Variants in GAB2 observed in about 807,000 individuals in gnomAD.
GAB2 encodes GRB2-associated-binding protein 2.
A neutral mutation model predicts 65.5 loss-of-function variants in GAB2; 26 were observed. That is an observed-to-expected ratio of 0.40 (90% confidence interval 0.29 to 0.55). GAB2 has a LOEUF of 0.55. Among genes scored for constraint, GAB2 ranks in the 20% least tolerant of loss-of-function variants. The probability of loss-of-function intolerance (pLI) is 0.53; values close to 1 mark genes in which losing one functional copy is unlikely to be tolerated. For synonymous variants in GAB2, 321 were observed against 329.6 expected (o/e 0.97, Z 0.28); for missense variants, 884 against 875.8 (o/e 1.01, Z -0.12).
intron 1 of GAB2, among the ~76,000 whole-genome samples, chr11:78,289,813 CCTT>C (rs2134602617): frequency 8.8e-6 from 1 of 113,990 alleles, no homozygotes. Flanking sequence ...AAGAACAGGA[CCTT>C]TTTTTTTTTT....
At chr11:78,310,740 T>A (rs921013480) in intron 1 of GAB2, among the ~76,000 whole-genome samples, 1 of 152,156 alleles carries the variant, frequency 6.6e-6, no homozygotes, top group African/African-American at 2.4e-5. Context: ...CCAGCGCCAC[T>A]GTCCTTCAGT....
rs761329480 is a variant in GAB2 at position 78,225,193 on chromosome 11, C to T, written c.1217G>A (p.Cys406Tyr). 1.4e-5 allele frequency: 23 copies of T among 1,608,506 alleles called. No individual in the cohort carries two copies. The South Asian group carries it at 2.3e-4, about 16-fold the overall frequency. ...ACGCTGTGGGTACTCGTAGGTCTCA[C>T]AGGAAGAAGCTGACAGAGGAAGGAG... is the stretch of plus-strand genomic sequence containing the variant. ...DNSRLHRASS[C>Y]ETYEYPQRGG... The change falls in exon 5 of 10, where the codon TGT becomes TAT. Residue 406 changes from cysteine to tyrosine, a missense_variant. By Grantham distance (194) the Cys-to-Tyr change is radical (BLOSUM62 -2). Coordinates refer to ENST00000361507, the MANE Select transcript of GAB2 (RefSeq NM_080491.3).
chr11:78,222,722 A>G (rs890793816), intron 6 of GAB2, among the ~76,000 whole-genome samples: 1 of 152,026 alleles, frequency 6.6e-6, no homozygotes, highest in Non-Finnish European at 1.5e-5. Context: ...AGCTGGGACT[A>G]TAGGCGCCTG....
intron 1 of GAB2, among the ~76,000 whole-genome samples, chr11:78,300,706 T>G (rs575661129): frequency 1.1e-4 from 16 of 142,048 alleles, no homozygotes; most frequent in African/African-American, 3.1e-4. Context: ...TTTTTTTTTT[T>G]TTTTTTGAGA....
At chr11:78,358,212 G>C (rs568489284) in intron 1 of GAB2, among the ~76,000 whole-genome samples, 1 of 147,270 alleles carries the variant, frequency 6.8e-6, no homozygotes, top group East Asian at 2.0e-4. Context: ...ACCAAACACC[G>C]CATGTTCTCA....
intron 3 of GAB2, among the ~76,000 whole-genome samples, chr11:78,245,633 G>C (rs1865273525): frequency 6.6e-6 from 1 of 152,208 alleles, no homozygotes; most frequent in Admixed American, 6.5e-5. Flanking sequence ...AACCTCACTA[G>C]ACATTGTTTG....
chr11:78,266,887 C>T (rs754201378), intron 2 of GAB2, among the ~76,000 whole-genome samples: 3 of 152,176 alleles, frequency 2.0e-5, no homozygotes, highest in African/African-American at 4.8e-5. Context: ...GCACTGAATA[C>T]GTGAACACAG....
At chr11:78,251,152 A>G (rs576926468) in intron 2 of GAB2, among the ~76,000 whole-genome samples, 28 of 152,332 alleles carry the variant, frequency 1.8e-4, no homozygotes, top group African/African-American at 6.5e-4. Context: ...ATTACAGGAA[A>G]AAAAAAAGCT....
chr11:78,275,300 A>C (rs1324605933), intron 2 of GAB2, among the ~76,000 whole-genome samples: 1 of 152,192 alleles, frequency 6.6e-6, no homozygotes, highest in Non-Finnish European at 1.5e-5. Context: ...CTAGGCAGGG[A>C]AGAAAAAATA....
chr11:78,341,985 C>T (rs116860047), intron 1 of GAB2: 133 of 550,636 alleles, frequency 2.4e-4, no homozygotes, highest in Non-Finnish European at 3.0e-4. Context: ...GTGTTGTGTT[C>T]CCCTCCCTAT....
chr11:78,329,634 G>C (rs866796580), intron 1 of GAB2, among the ~76,000 whole-genome samples: 1 of 152,162 alleles, frequency 6.6e-6, no homozygotes, highest in African/African-American at 2.4e-5. Flanking sequence ...AGGGCAACCA[G>C]ACCATTTTAG....
intron 1 of GAB2, among the ~76,000 whole-genome samples, chr11:78,310,455 G>A (rs1305467033): frequency 4.7e-5 from 7 of 148,992 alleles, no homozygotes; most frequent in African/African-American, 1.7e-4. Flanking sequence ...GGAGCTTGCA[G>A]TGAGCCAAGA....
At chr11:78,261,731 A>C (rs919742610) in intron 2 of GAB2, among the ~76,000 whole-genome samples, 3 of 152,188 alleles carry the variant, frequency 2.0e-5, no homozygotes, top group African/African-American at 7.2e-5. Context: ...GCTGCAGGCC[A>C]GCCCCAAAGG....
chr11:78,262,235 AAGGAACATG>A (rs1224400781), intron 2 of GAB2, among the ~76,000 whole-genome samples: 5 of 152,214 alleles, frequency 3.3e-5, no homozygotes, highest in Non-Finnish European at 7.4e-5. Context: ...GCTACTGGGA[AAGGAACATG>A]CACGTTGGAG....
chr11:78,287,523 C>A (rs1477673100), intron 1 of GAB2, among the ~76,000 whole-genome samples: 2 of 152,194 alleles, frequency 1.3e-5, no homozygotes, highest in Non-Finnish European at 2.9e-5. Flanking sequence ...AGTAATCTTC[C>A]TGCCTTGGCC....
At chr11:78,324,757 A>C (rs1487848295) in intron 1 of GAB2, 1 of 152,250 alleles carries the variant, frequency 6.6e-6, no homozygotes, top group Admixed American at 6.5e-5. Context: ...GTCTGATGAC[A>C]ACCAAGTATT....
intron 1 of GAB2, among the ~76,000 whole-genome samples, chr11:78,402,400 T>C (rs1856984852): frequency 6.6e-6 from 1 of 152,168 alleles, no homozygotes; most frequent in Non-Finnish European, 1.5e-5. Flanking sequence ...AACTAAATTA[T>C]ACTAAATACA....
chr11:78,219,120 G>A lies in GAB2; in HGVS notation c.*152C>T. The stretch of plus-strand genomic sequence containing the variant: ...TCAGGCCCTCACCTCCCAGGGGAAG[G>A]GTTCAGGGTCCCTGATGTCAAGTGC... On this transcript the variant is annotated 3_prime_UTR_variant, in exon 10 of 10. Transcript: ENST00000361507. The A allele has an allele frequency of 2.9e-6, 2 of 695,978 alleles. No homozygotes were observed. Among genetic ancestry groups the A allele is most frequent in the Non-Finnish European group, 4.7e-6 (2 of 422,684 alleles). The allele number at this position is 695,978 out of a possible 1,614,324, so 43.1% of individuals were successfully genotyped here. A position where few individuals can be genotyped will look rare whatever the true frequency, so the allele number is the denominator to read the frequency against.
At chr11:78,282,501 GCTT>G (rs1167247706) in intron 1 of GAB2, among the ~76,000 whole-genome samples, 1 of 152,056 alleles carries the variant, frequency 6.6e-6, no homozygotes, top group South Asian at 2.1e-4. Flanking sequence ...TAGAGACAGG[GCTT>G]CACCATGTTG....
Sources: allele counts gnomAD v4.1 joint callset (sites outside exome capture counted in the v4.1 genomes callset), GRCh38; gene constraint gnomAD v4.1.1; transcripts MANE v1.5; gene names NCBI Gene and HGNC (gene_info 2026-07-23, HGNC 2026-07-21).